The following ACAP2 variants were observed in gnomAD, a reference collection of about 807,000 sequenced individuals.
ACAP2 encodes the protein arf-GAP with coiled-coil, ANK repeat and PH domain-containing protein 2.
In ACAP2, 39 loss-of-function variants were observed where a neutral mutation model predicts 115.8. That is an observed-to-expected ratio of 0.34 (90% CI 0.26 to 0.44). The LOEUF is 0.44. Among genes scored for constraint, ACAP2 ranks in the 20% least tolerant of loss-of-function variants. The pLI is 1.00. For synonymous variants in ACAP2, 289 were observed against 315.8 expected, an observed-to-expected ratio of 0.92 and a Z score of 0.90; for missense variants, 662 against 927.6, an observed-to-expected ratio of 0.71 and a Z score of 3.72.
At chr3:195,417,043 C>T (rs1274739470) in intron 1 of ACAP2, among the ~76,000 whole-genome samples, 1 of 151,102 alleles carries the variant, frequency 6.6e-6, no homozygotes, top group Non-Finnish European at 1.5e-5. Context: ...GCCTGAATAC[C>T]TGGGACTACA....
In ACAP2 at chr3:195,333,060, G is replaced by C. The variant is rs2108629017; in HGVS notation, c.637C>G (p.Leu213Val). The C allele has an allele frequency of 6.2e-7, 1 of 1,610,298 alleles. No individual in the cohort carries two copies. The highest frequency in any genetic ancestry group is 1.7e-4 in the Middle Eastern group (1 of 6,052). The change falls in exon 8 of 23, where the codon CTT becomes GTT. Residue 213 changes from leucine (L) to valine (V), a missense_variant. By Grantham distance (32) the Leu-to-Val change is conservative. Around this residue, in one of 3 missense-constraint regions of ACAP2, gnomAD observed 401 missense variants for 604.4 expected, o/e 0.66. Coordinates refer to ENST00000326793, the MANE Select transcript of ACAP2 (RefSeq NM_012287.6). Reference sequence around the variant, plus strand: ...CCAAGATCCTTCATGTAGGGTCCAAGTTCACTAAACAGATCATATCCTTGA... The same window carrying C: ...CCAAGATCCTTCATGTAGGGTCCAACTTCACTAAACAGATCATATCCTTGA... ...FHQGYDLFSE[L>V]GPYMKDLGAQ...
At chr3:195,389,767 A>T (rs755069507) in intron 2 of ACAP2, among the ~76,000 whole-genome samples, 73 of 152,252 alleles carry the variant, frequency 4.8e-4, no homozygotes, top group Non-Finnish European at 8.5e-4. Flanking sequence ...TCCTTATCCA[A>T]AATTAAAATA....
intron 1 of ACAP2, among the ~76,000 whole-genome samples, chr3:195,438,392 TA>T (rs11340511): frequency 0.31 from 45,368 of 146,166 alleles, 7,651 homozygotes; most frequent in East Asian, 0.81. Context: ...CTTCTGAGAT[TA>T]AAAAAAAAAA....
chr3:195,285,074 AG>A (rs1172982949), intron 22 of ACAP2, among the ~76,000 whole-genome samples: 3 of 152,230 alleles, frequency 2.0e-5, no homozygotes, highest in Non-Finnish European at 4.4e-5. Flanking sequence ...AGGTGCAAAA[AG>A]TATTGTTCTA....
At chr3:195,287,710 C>A (rs1316343272) in intron 21 of ACAP2, among the ~76,000 whole-genome samples, 1 of 152,136 alleles carries the variant, frequency 6.6e-6, no homozygotes, top group African/African-American at 2.4e-5. Flanking sequence ...AACTATCCTG[C>A]CTACAGAATT....
intron 1 of ACAP2, among the ~76,000 whole-genome samples, chr3:195,426,432 G>A (rs1714691252): frequency 6.6e-6 from 1 of 152,156 alleles, no homozygotes; most frequent in Non-Finnish European, 1.5e-5. Context: ...AAAAATTCAG[G>A]AAGGGGGCCA....
intron 22 of ACAP2, among the ~76,000 whole-genome samples, chr3:195,281,776 T>TA (rs1189422299): frequency 1.3e-5 from 2 of 152,196 alleles, no homozygotes; most frequent in African/African-American, 4.8e-5. Context: ...AGAAAATAAA[T>TA]AGAGCAACAT....
At chr3:195,416,925 C>CT (rs151106936) in intron 1 of ACAP2, among the ~76,000 whole-genome samples, 3,220 of 147,232 alleles carry the variant, frequency 0.022, 105 homozygotes, top group East Asian at 0.098. Context: ...GATCTCAAGT[C>CT]TTTTTTTTTT....
intron 4 of ACAP2, among the ~76,000 whole-genome samples, chr3:195,379,640 C>T (rs1029320205): frequency 6.6e-6 from 1 of 152,002 alleles, no homozygotes; most frequent in African/African-American, 2.4e-5. Flanking sequence ...CAAAAACAAA[C>T]AAACAAACAA....
intron 4 of ACAP2, among the ~76,000 whole-genome samples, chr3:195,354,759 G>T (rs898123096): frequency 6.6e-6 from 1 of 152,088 alleles, no homozygotes; most frequent in African/African-American, 2.4e-5. Context: ...ATATATCCTG[G>T]ATACTACTGC....
chr3:195,421,853 C>A (rs1022689130), intron 1 of ACAP2, among the ~76,000 whole-genome samples: 21 of 152,106 alleles, frequency 1.4e-4, no homozygotes, highest in Non-Finnish European at 3.1e-4. Context: ...AAAATATGTT[C>A]TTTTCAAGAG....
chr3:195,364,996 G>A (rs906755955), intron 4 of ACAP2, among the ~76,000 whole-genome samples: 4 of 152,154 alleles, frequency 2.6e-5, no homozygotes, highest in African/African-American at 7.2e-5. Flanking sequence ...GAAACTAGAC[G>A]TCATTATGTT....
chr3:195,405,109 T>C (rs2108799310), intron 1 of ACAP2, among the ~76,000 whole-genome samples: 1 of 148,914 alleles, frequency 6.7e-6, no homozygotes, highest in African/African-American at 2.4e-5. Flanking sequence ...CTATTGCCGC[T>C]TAAACACAGT....
intron 1 of ACAP2, among the ~76,000 whole-genome samples, chr3:195,392,350 CAG>C (rs1401292566): frequency 6.6e-6 from 1 of 152,142 alleles, no homozygotes; most frequent in Non-Finnish European, 1.5e-5. Context: ...AGGACAATGA[CAG>C]AACACATTAC....
intron 4 of ACAP2, among the ~76,000 whole-genome samples, chr3:195,368,638 T>C (rs757305512): frequency 3.3e-5 from 5 of 152,236 alleles, no homozygotes; most frequent in Non-Finnish European, 5.9e-5. Flanking sequence ...TCATTTAGTA[T>C]TACAGATTCT....
chr3:195,390,196 C>CAA (rs200498374), intron 2 of ACAP2, among the ~76,000 whole-genome samples: 1 of 146,444 alleles, frequency 6.8e-6, no homozygotes, highest in Non-Finnish European at 1.5e-5. Flanking sequence ...GACTCTGTCT[C>CAA]AAAAAAAAAA....
At chr3:195,279,853 T>TTGTTA (rs1726373906) in intron 22 of ACAP2, 1 of 152,690 alleles carries the variant, frequency 6.5e-6, no homozygotes, top group African/African-American at 2.4e-5. Flanking sequence ...GGATGCAAGT[T>TTGTTA]ATTAACAAGA....
At chr3:195,375,979 C>G (rs971622326) in intron 4 of ACAP2, among the ~76,000 whole-genome samples, 1 of 152,242 alleles carries the variant, frequency 6.6e-6, no homozygotes, top group East Asian at 1.9e-4. Context: ...TCAATGGAGT[C>G]ACCAAAATCT....
intron 4 of ACAP2, among the ~76,000 whole-genome samples, chr3:195,348,781 A>T (rs1036537117): frequency 3.3e-5 from 5 of 152,258 alleles, no homozygotes; most frequent in African/African-American, 1.2e-4. Flanking sequence ...ATTTTTAAAA[A>T]CTCTCAGGAA....
Sources: allele counts gnomAD v4.1 joint callset (sites outside exome capture counted in the v4.1 genomes callset), GRCh38; gene constraint gnomAD v4.1.1; regional missense constraint gnomAD v4.1.1; transcripts MANE v1.5; gene names NCBI Gene and HGNC (gene_info 2026-07-23, HGNC 2026-07-21).